Variants in STK32B observed in about 807,000 individuals in gnomAD.
STK32B encodes the protein serine/threonine kinase 32B, also known as serine/threonine-protein kinase 32B.
A neutral mutation model predicts 52.6 loss-of-function variants in STK32B; 43 were observed. That is an observed-to-expected ratio of 0.82 (90% CI 0.64 to 1.05). STK32B has a LOEUF of 1.05. Ranked by LOEUF, STK32B falls within the 50% of genes least tolerant of loss-of-function variation. The pLI, the probability that STK32B is intolerant of heterozygous loss-of-function variation, is 0.00. For missense variants in STK32B, 621 were observed against 534.6 expected (o/e 1.16, Z -1.59); for synonymous variants, 238 against 204.3 (o/e 1.17, Z -1.41).
At position 5,439,306 on chromosome 4, in the gene STK32B, G is replaced by C. The variant is rs971801886; in HGVS notation, c.563-7367G>C. 5.9e-5 allele frequency among the ~76,000 whole-genome samples: 9 copies of C among 151,588 alleles called. 1 individual carries two copies. The highest frequency in any genetic ancestry group is 1.2e-4 in the Non-Finnish European group (8 of 67,752). ...TAATGATTGCCATTCTAACTGGTGT[G>C]AGATGGTATTTCATTGTGGTTTGGA... On this transcript the variant is annotated intron_variant, in intron 6 of 11. Transcript: ENST00000282908.
chr4:5,228,715 C>T (rs934539016), intron 3 of STK32B, among the ~76,000 whole-genome samples: 5 of 152,164 alleles, frequency 3.3e-5, no homozygotes, highest in Admixed American at 6.5e-5. Flanking sequence ...CACCTGTAAT[C>T]CTAGCACTTT....
intron 2 of STK32B, among the ~76,000 whole-genome samples, chr4:5,145,567 T>C (rs1320810723): frequency 1.3e-5 from 2 of 152,192 alleles, no homozygotes; most frequent in Non-Finnish European, 1.5e-5. Context: ...GTTCTAAAAT[T>C]TAGTATAAAA....
At chr4:5,455,133 A>G (rs547172588) in intron 7 of STK32B, among the ~76,000 whole-genome samples, 2 of 151,328 alleles carry the variant, frequency 1.3e-5, no homozygotes, top group African/African-American at 4.9e-5. Context: ...GAGGGCCAAC[A>G]TCTTCTCCAG....
intron 4 of STK32B, among the ~76,000 whole-genome samples, chr4:5,393,589 G>A (rs752657236): frequency 6.6e-6 from 1 of 152,100 alleles, no homozygotes; most frequent in Non-Finnish European, 1.5e-5. Flanking sequence ...CTTACATGGC[G>A]GGAGCAGGAG....
chr4:5,317,142 A>G (rs1731032854), intron 3 of STK32B, among the ~76,000 whole-genome samples: 1 of 40,462 alleles, frequency 2.5e-5, no homozygotes, highest in South Asian at 1.3e-3. Flanking sequence ...TATAATATAT[A>G]TGTATAATAT....
At chr4:5,116,140 A>C (rs1267133756) in intron 1 of STK32B, among the ~76,000 whole-genome samples, 3 of 152,052 alleles carry the variant, frequency 2.0e-5, no homozygotes, top group African/African-American at 7.2e-5. Flanking sequence ...CTGCTGGTGC[A>C]TCAGCTGCTC....
chr4:5,428,625 T>G (rs1713299074), intron 6 of STK32B, among the ~76,000 whole-genome samples: 1 of 152,200 alleles, frequency 6.6e-6, no homozygotes, highest in Non-Finnish European at 1.5e-5. Flanking sequence ...TATTGTCTTC[T>G]TTGGTCCTGT....
chr4:5,239,369 C>T (rs979076474), intron 3 of STK32B, among the ~76,000 whole-genome samples: 1 of 152,106 alleles, frequency 6.6e-6, no homozygotes, highest in East Asian at 1.9e-4. Context: ...GAATTGGAGG[C>T]AGGCAGGAGG....
At chr4:5,126,044 G>C (rs1312084359) in intron 1 of STK32B, among the ~76,000 whole-genome samples, 1 of 152,120 alleles carries the variant, frequency 6.6e-6, no homozygotes, top group East Asian at 1.9e-4. Flanking sequence ...TCTACACCTC[G>C]GTCAAAAGCC....
the STK32B span, among the ~76,000 whole-genome samples, chr4:5,021,364 G>A: frequency 6.6e-6 from 1 of 152,210 alleles, no homozygotes; most frequent in South Asian, 2.1e-4. Context: ...CGGCCTTCGG[G>A]CAGAACTGTG....
At chr4:5,317,286 CATAT>C (rs1324869191) in intron 3 of STK32B, among the ~76,000 whole-genome samples, 2 of 24,996 alleles carry the variant, frequency 8.0e-5, no homozygotes, top group East Asian at 1.0e-3. Context: ...TAACATATAA[CATAT>C]ATATAATATA....
At chr4:5,121,047 A>G (rs1045250276) in intron 1 of STK32B, among the ~76,000 whole-genome samples, 9 of 152,064 alleles carry the variant, frequency 5.9e-5, no homozygotes, top group African/African-American at 7.2e-5. Flanking sequence ...TGTACATTCA[A>G]TCTAGTCATT....
At chr4:5,250,891 C>T (rs4689209) in intron 3 of STK32B, among the ~76,000 whole-genome samples, 25,888 of 152,000 alleles carry the variant, frequency 0.17, 2,529 homozygotes, top group African/African-American at 0.25. Flanking sequence ...TTTCCTTTGC[C>T]CACTTTTTAA....
intron 1 of STK32B, among the ~76,000 whole-genome samples, chr4:5,112,722 C>G (rs922380003): frequency 2.6e-5 from 4 of 152,084 alleles, no homozygotes; most frequent in Non-Finnish European, 1.5e-5. Flanking sequence ...AAAGCTAGTA[C>G]AAGAAAGCTT....
intron 1 of STK32B, among the ~76,000 whole-genome samples, chr4:5,130,039 C>T (rs757530619): frequency 2.0e-5 from 3 of 151,506 alleles, no homozygotes; most frequent in Non-Finnish European, 2.9e-5. Flanking sequence ...AGTAGGAGGA[C>T]AACAAATATT....
At position 5,378,783 on chromosome 4, in the gene STK32B, G is replaced by A. The variant is rs546737561; in HGVS notation, c.435-19424G>A. On this transcript the variant is annotated intron_variant, in intron 4 of 11. Coordinates refer to ENST00000282908, the MANE Select transcript of STK32B (RefSeq NM_018401.3). This position sits in a 1 kb window ranked among gnomAD's most constrained non-coding sequence, Gnocchi z 4.4. ...TGAGAAACGCTGGCTGGGTAGATGA[G>A]TTTGTGACGGGGAGGGTTTCTTGGA... is the stretch of plus-strand genomic sequence containing the variant. 6.6e-6 allele frequency among the ~76,000 whole-genome samples: 1 copy of A among 152,318 alleles called. No homozygotes were observed. The highest frequency in any genetic ancestry group is 2.1e-4 in the South Asian group (1 of 4,824).
At chr4:5,313,522 G>T (rs555655490) in intron 3 of STK32B, among the ~76,000 whole-genome samples, 1 of 152,102 alleles carries the variant, frequency 6.6e-6, no homozygotes, top group South Asian at 2.1e-4. Context: ...AGTAAGTCAA[G>T]AGAAAAATAA....
At chr4:5,181,091 T>C (rs1377118518) in intron 3 of STK32B, among the ~76,000 whole-genome samples, 1 of 152,128 alleles carries the variant, frequency 6.6e-6, no homozygotes, top group Non-Finnish European at 1.5e-5. Context: ...TTCAACACTT[T>C]GAGGTCTGAC....
chr4:5,466,062 G>A (rs1199840902), intron 9 of STK32B, among the ~76,000 whole-genome samples: 1 of 152,210 alleles, frequency 6.6e-6, no homozygotes, highest in Non-Finnish European at 1.5e-5. Flanking sequence ...GGGCTGCATT[G>A]CCTTTGGGGA....
Sources: gnomAD v4.1 joint callset for allele counts (sites outside exome capture counted in the v4.1 genomes callset) on GRCh38, gnomAD v4.1.1 for gene constraint, Gnocchi (gnomAD v3.1) non-coding constraint, MANE v1.5 for transcripts, NCBI Gene and HGNC (gene_info 2026-07-23, HGNC 2026-07-21) for gene names.